SEC23A: variants seen among roughly 807,000 people sequenced by gnomAD.
SEC23A encodes protein transport protein Sec23A.
A neutral mutation model predicts 103.7 loss-of-function variants in SEC23A; 56 were observed. The observed-to-expected ratio is 0.54, with a 90% confidence interval of 0.44 to 0.67. The LOEUF is 0.67. Ranked by LOEUF, SEC23A falls within the 30% of genes least tolerant of loss-of-function variation. The probability of loss-of-function intolerance (pLI) is 0.00; values close to 1 mark genes in which losing one functional copy is unlikely to be tolerated. For missense variants in SEC23A, 784 were observed against 936.4 expected, an observed-to-expected ratio of 0.84 and a Z score of 2.12; for synonymous variants, 281 against 293.0, an observed-to-expected ratio of 0.96 and a Z score of 0.42.
At chr14:39,072,297 G>A (rs1415215732) in intron 9 of SEC23A, among the ~76,000 whole-genome samples, 1 of 151,084 alleles carries the variant, frequency 6.6e-6, no homozygotes, top group Non-Finnish European at 1.5e-5. Flanking sequence ...ATCTGATAAA[G>A]GGATTTATAT....
At chr14:39,078,238 G>A (rs1887107020) in intron 7 of SEC23A, among the ~76,000 whole-genome samples, 1 of 151,868 alleles carries the variant, frequency 6.6e-6, no homozygotes, top group Non-Finnish European at 1.5e-5. Context: ...CTAGGCAACA[G>A]AACTAGACTC....
intron 19 of SEC23A, among the ~76,000 whole-genome samples, chr14:39,036,706 T>C (rs1281376950): frequency 6.6e-6 from 1 of 152,204 alleles, no homozygotes; most frequent in Non-Finnish European, 1.5e-5. Flanking sequence ...ATCTGTTCTT[T>C]TGTGTCTTTC....
In SEC23A at chr14:39,091,144, GA is replaced by G. The variant is rs951826317; in HGVS notation, c.603+332del. On this transcript the variant is annotated intron_variant, in intron 5 of 19. Transcript: ENST00000307712. ...TTCAATAAAAAAGCTGAACTCTTAA[GA>G]AAAAAAAAAGAAACAAGCTAATATT... 3.0e-3 allele frequency: 995 copies of G among 329,026 alleles called. 1 individual carries two copies. Among genetic ancestry groups the G allele is most frequent in the Admixed American group, 4.9e-3 (106 of 21,460 alleles). The allele number at this position is 329,026 out of a possible 1,614,324, so 20.4% of individuals were successfully genotyped here.
At chr14:39,040,602 C>T in intron 18 of SEC23A, 130 bp downstream of exon 18, 1 of 1,176,590 alleles carries the variant, frequency 8.5e-7, no homozygotes, top group Non-Finnish European at 1.3e-6. Flanking sequence ...AGCACTGATA[C>T]CTTCCCCACC....
At chr14:39,052,300 T>G (rs1195622863) in intron 14 of SEC23A, among the ~76,000 whole-genome samples, 1 of 151,674 alleles carries the variant, frequency 6.6e-6, no homozygotes, top group Admixed American at 6.6e-5. Flanking sequence ...CGTGTATGCC[T>G]GAACTTAAAA....
At chr14:39,037,470 A>T (rs985413748) in intron 19 of SEC23A, among the ~76,000 whole-genome samples, 2 of 152,220 alleles carry the variant, frequency 1.3e-5, no homozygotes. Flanking sequence ...GCATACCTAC[A>T]TTCACTGACT....
chr14:39,036,175 A>G (rs547265627), intron 19 of SEC23A, among the ~76,000 whole-genome samples: 16 of 151,992 alleles, frequency 1.1e-4, no homozygotes, highest in African/African-American at 3.9e-4. Flanking sequence ...CAAAAAAATT[A>G]GCTGAGTATG....
chr14:39,086,322 A>C (rs1887442858), intron 6 of SEC23A, among the ~76,000 whole-genome samples: 1 of 152,184 alleles, frequency 6.6e-6, no homozygotes, highest in Admixed American at 6.6e-5. Flanking sequence ...TTTTAGTAAT[A>C]CTACCTCTGA....
intron 19 of SEC23A, among the ~76,000 whole-genome samples, chr14:39,038,135 A>G (rs1885520217): frequency 6.6e-6 from 1 of 152,180 alleles, no homozygotes; most frequent in Non-Finnish European, 1.5e-5. Context: ...TCAGCTCTGC[A>G]TGTAGTCTTT....
At chr14:39,061,692 T>C in intron 13 of SEC23A, 73 bp downstream of exon 13, 1 of 988,108 alleles carries the variant, frequency 1.0e-6, no homozygotes, top group Non-Finnish European at 1.6e-6. Context: ...TCACCCAAAA[T>C]AGGAATCCAG....
rs751390226 is a variant in SEC23A, at chr14:39,093,241, T to C, written c.225A>G (p.Gln75=). 14 of 1,609,334 alleles carry C rather than the reference T, an allele frequency of 8.7e-6. No homozygotes were observed. In the Admixed American group the frequency reaches 1.0e-4, roughly 12 times the overall value. ...TCRAVLNPLC[Q]VDYRAKLWAC... Reference sequence around the variant, plus strand: ...CCCAAAGTTTTGCTCGATAATCCACTTGACTGTTTTAAAAAAAAAGAAAAG... The same window carrying C: ...CCCAAAGTTTTGCTCGATAATCCACCTGACTGTTTTAAAAAAAAAGAAAAG... Residue 75 remains glutamine, a synonymous_variant, in exon 3 of 20, where the codon CAA becomes CAG. Transcript: ENST00000307712.
At chr14:39,079,992 C>G (rs1020593056) in intron 7 of SEC23A, among the ~76,000 whole-genome samples, 1 of 152,114 alleles carries the variant, frequency 6.6e-6, no homozygotes, top group African/African-American at 2.4e-5. Flanking sequence ...CAAAAATACT[C>G]TCTTCATTCT....
At chr14:39,042,452 G>T (rs1885678555) in intron 17 of SEC23A, among the ~76,000 whole-genome samples, 1 of 152,154 alleles carries the variant, frequency 6.6e-6, no homozygotes, top group Non-Finnish European at 1.5e-5. Context: ...AGGAAAGCCT[G>T]CCCACTGACA....
chr14:39,061,669 C>T, intron 13 of SEC23A, 96 bp downstream of exon 13: 1 of 810,458 alleles, frequency 1.2e-6, no homozygotes, highest in Non-Finnish European at 2.2e-6. Context: ...TATTCACTTG[C>T]TAGTCATGGA....
chr14:39,034,057 T>C (rs1885386612), intron 19 of SEC23A, among the ~76,000 whole-genome samples: 1 of 152,250 alleles, frequency 6.6e-6, no homozygotes, highest in Non-Finnish European at 1.5e-5. Context: ...GCTCCTGTGA[T>C]TCTAGTCTGG....
chr14:39,054,282 A>T (rs1886168491), intron 14 of SEC23A, among the ~76,000 whole-genome samples: 1 of 152,070 alleles, frequency 6.6e-6, no homozygotes, highest in Non-Finnish European at 1.5e-5. Flanking sequence ...CTCAAAAAAA[A>T]AAAAAGGGAC....
chr14:39,100,136 C>T (rs950708781), intron 1 of SEC23A, among the ~76,000 whole-genome samples: 2 of 152,168 alleles, frequency 1.3e-5, no homozygotes, highest in African/African-American at 4.8e-5. Flanking sequence ...ACATTTTTTC[C>T]TCTCAATCTC....
Position 39,067,163 on chromosome 14 carries a change from T to C in SEC23A, c.1227+10A>G. On this transcript the variant is annotated intron_variant, in intron 10 of 19. Transcript: ENST00000307712. ...ATAACATATCGCACATGTCAAGTTT[T>C]GGTTCTTACCTTTATTTCTAGCGTA... 1 of 1,613,772 alleles carries C rather than the reference T, an allele frequency of 6.2e-7. No homozygotes were observed. Among genetic ancestry groups the C allele is most frequent in the Non-Finnish European group, 8.5e-7 (1 of 1,179,858 alleles).
chr14:39,053,187 C>G lies in SEC23A; in HGVS notation c.1659+1956G>C, dbSNP rs184606948. Among the ~76,000 whole-genome samples, 30 of 152,222 alleles carry G rather than the reference C, an allele frequency of 2.0e-4. No individual in the cohort carries two copies. The East Asian group carries it at 5.6e-3, about 28-fold the overall frequency. ...AAATTGAAAAGGTCCCATTTAAAAA[C>G]AGTACAATAAGTCAAAGCACTGATG... On this transcript the variant is annotated intron_variant, in intron 14 of 19. Transcript: ENST00000307712.
Sources: gnomAD v4.1 joint callset for allele counts (sites outside exome capture counted in the v4.1 genomes callset) on GRCh38, gnomAD v4.1.1 for gene constraint, MANE v1.5 for transcripts, NCBI Gene and HGNC (gene_info 2026-07-23, HGNC 2026-07-21) for gene names.